Variants in BTBD10 observed in about 807,000 individuals in gnomAD.
BTBD10 encodes BTB/POZ domain-containing protein 10.
A neutral mutation model predicts 53.2 loss-of-function variants in BTBD10; 21 were observed. The ratio of observed to expected loss-of-function variants is 0.39; its 90% confidence interval spans 0.28 to 0.57. The LOEUF is 0.57. Among genes scored for constraint, BTBD10 ranks in the 20% least tolerant of loss-of-function variants. BTBD10 has a pLI of 0.53. For missense variants in BTBD10, 360 were observed against 594.7 expected (o/e 0.61, Z 4.10); for synonymous variants, 149 against 192.7 (o/e 0.77, Z 1.88).
chr11:13,424,750 A>C (rs1317888909), intron 2 of BTBD10, among the ~76,000 whole-genome samples: 2 of 152,198 alleles, frequency 1.3e-5, no homozygotes, highest in Admixed American at 1.3e-4. Flanking sequence ...CCAAGAAACC[A>C]AACGGAATAT....
At chr11:13,395,218 T>G (rs1949511644) in intron 8 of BTBD10, among the ~76,000 whole-genome samples, 1 of 151,582 alleles carries the variant, frequency 6.6e-6, no homozygotes, top group South Asian at 2.1e-4. Context: ...TTTCCTGACT[T>G]TTTAATGATT....
chr11:13,403,981 T>C (rs1949764134), intron 7 of BTBD10, among the ~76,000 whole-genome samples: 1 of 152,176 alleles, frequency 6.6e-6, no homozygotes, highest in Non-Finnish European at 1.5e-5. Context: ...TCGCCTTCTC[T>C]CTTTCGGGTT....
intron 2 of BTBD10, among the ~76,000 whole-genome samples, chr11:13,424,658 T>C (rs1326326411): frequency 6.6e-6 from 1 of 152,156 alleles, no homozygotes; most frequent in East Asian, 1.9e-4. Context: ...GGTAAGGACA[T>C]GAAGACTGGA....
intron 2 of BTBD10, among the ~76,000 whole-genome samples, chr11:13,443,835 C>T (rs1194151305): frequency 1.6e-4 from 24 of 152,002 alleles, no homozygotes; most frequent in African/African-American, 4.4e-4. Context: ...CTGCCTGCCT[C>T]GGCCTCCCAA....
At chr11:13,447,131 T>C (rs1950763223) in intron 1 of BTBD10, among the ~76,000 whole-genome samples, 1 of 152,126 alleles carries the variant, frequency 6.6e-6, no homozygotes, top group Admixed American at 6.6e-5. Flanking sequence ...CTTCTTTTCT[T>C]TCTTCTTTCT....
chr11:13,431,901 A>G (rs930348473), intron 2 of BTBD10, among the ~76,000 whole-genome samples: 1 of 152,150 alleles, frequency 6.6e-6, no homozygotes, highest in African/African-American at 2.4e-5. Context: ...GAAAAAGTTT[A>G]TAATACTAAT....
intron 1 of BTBD10, among the ~76,000 whole-genome samples, chr11:13,460,589 T>C (rs1271387418): frequency 2.0e-5 from 3 of 152,210 alleles, no homozygotes; most frequent in Non-Finnish European, 2.9e-5. Flanking sequence ...TACCTATCCT[T>C]CTTACAAGAA....
intron 7 of BTBD10, chr11:13,404,702 A>G (rs1565235021): frequency 1.5e-6 from 1 of 650,486 alleles, no homozygotes; most frequent in Non-Finnish European, 1.9e-6. Context: ...CTATCCACAA[A>G]GGAATCACAA....
At chr11:13,453,615 A>T (rs1950907884) in intron 1 of BTBD10, among the ~76,000 whole-genome samples, 1 of 152,228 alleles carries the variant, frequency 6.6e-6, no homozygotes, top group Non-Finnish European at 1.5e-5. Flanking sequence ...TAGTCACTAC[A>T]TATGCATTGA....
intron 6 of BTBD10, among the ~76,000 whole-genome samples, chr11:13,408,563 T>C (rs1176073033): frequency 2.0e-5 from 3 of 152,212 alleles, no homozygotes; most frequent in Non-Finnish European, 4.4e-5. Context: ...ACATTTCTAC[T>C]TGGATATCTA....
chr11:13,455,205 G>A (rs183410732), intron 1 of BTBD10, among the ~76,000 whole-genome samples: 35 of 152,292 alleles, frequency 2.3e-4, no homozygotes, highest in Admixed American at 7.2e-4. Flanking sequence ...GAGCCACTGC[G>A]CCCAGCCCTG....
intron 7 of BTBD10, chr11:13,405,450 A>G (rs544394277): frequency 3.6e-6 from 2 of 561,476 alleles, no homozygotes; most frequent in African/African-American, 1.9e-5. Flanking sequence ...TACTTTGGGC[A>G]TTGCGAGCCA....
At chr11:13,395,811 C>G in intron 8 of BTBD10, among the ~76,000 whole-genome samples, 1 of 152,152 alleles carries the variant, frequency 6.6e-6, no homozygotes, top group East Asian at 1.9e-4. Context: ...TTCGCCATTG[C>G]TTGTTTTTGT....
intron 4 of BTBD10, among the ~76,000 whole-genome samples, chr11:13,417,702 CAA>C (rs1273485420): frequency 2.6e-5 from 4 of 152,224 alleles, no homozygotes; most frequent in Admixed American, 2.6e-4. Context: ...TAAACTGAGA[CAA>C]AGTGATATGA....
intron 2 of BTBD10, among the ~76,000 whole-genome samples, chr11:13,443,707 C>T (rs1231111622): frequency 6.6e-6 from 1 of 151,934 alleles, no homozygotes; most frequent in Non-Finnish European, 1.5e-5. Flanking sequence ...CCTCAACCTC[C>T]CAAGCAGCTG....
chr11:13,462,825 A>G (rs1253383308), intron 1 of BTBD10: 3 of 152,276 alleles, frequency 2.0e-5, no homozygotes, highest in Non-Finnish European at 4.4e-5. Context: ...TATCGCCTTC[A>G]TCCCCGGAGA....
chr11:13,390,701 C>A (rs889861020), intron 8 of BTBD10, among the ~76,000 whole-genome samples: 1 of 152,076 alleles, frequency 6.6e-6, no homozygotes, highest in South Asian at 2.1e-4. Flanking sequence ...GCCCATAGGC[C>A]AAAGTTAGAC....
chr11:13,428,453 C>T (rs1950387651), intron 2 of BTBD10, among the ~76,000 whole-genome samples: 1 of 151,952 alleles, frequency 6.6e-6, no homozygotes, highest in African/African-American at 2.4e-5. Context: ...CAACATTGCC[C>T]AGACACCAAT....
In BTBD10 at chr11:13,403,283, A is replaced by G; in HGVS notation, c.1007-5T>C. ...ATAATTTTGTGCTATAAATAACTAG[A>G]AACAAAAAGAAAAATATTATTGTAT... On this transcript the variant is annotated splice_polypyrimidine_tract_variant and splice_region_variant and intron_variant, in intron 7 of 8. Coordinates refer to ENST00000278174, the MANE Select transcript of BTBD10 (RefSeq NM_032320.7). The G allele has an allele frequency of 7.6e-7, 1 of 1,315,818 alleles. No homozygotes were observed. Among genetic ancestry groups the G allele is most frequent in the Non-Finnish European group, 1.0e-6 (1 of 958,596 alleles). 81.5% of individuals were successfully genotyped at this position (1,315,818 alleles called of 1,614,324 possible).
Sources: gnomAD v4.1 joint callset for allele counts (sites outside exome capture counted in the v4.1 genomes callset) on GRCh38, gnomAD v4.1.1 for gene constraint, MANE v1.5 for transcripts, NCBI Gene and HGNC (gene_info 2026-07-23, HGNC 2026-07-21) for gene names.